Variants in CACNB4 observed in about 807,000 individuals in gnomAD.
CACNB4 encodes voltage-dependent L-type calcium channel subunit beta-4.
Under a neutral mutation model 71.2 loss-of-function variants are expected in CACNB4, and 32 were observed. The ratio of observed to expected loss-of-function variants is 0.45; its 90% confidence interval spans 0.34 to 0.60. CACNB4 has a LOEUF of 0.60. Ranked by LOEUF, CACNB4 falls within the 20% of genes least tolerant of loss-of-function variation. The pLI is 0.01. For synonymous variants in CACNB4, 231 were observed against 236.9 expected (o/e 0.97, Z 0.23); for missense variants, 464 against 647.9 (o/e 0.72, Z 3.08).
intron 2 of CACNB4, among the ~76,000 whole-genome samples, chr2:152,022,280 T>C (rs146596410): frequency 1.2e-4 from 19 of 152,206 alleles, no homozygotes; most frequent in African/African-American, 3.6e-4. Context: ...ATACCATGAG[T>C]GAAGGACAGA....
intron 2 of CACNB4, among the ~76,000 whole-genome samples, chr2:151,979,606 T>G (rs142098443): frequency 6.6e-6 from 1 of 152,294 alleles, no homozygotes; most frequent in African/African-American, 2.4e-5. Flanking sequence ...TGCCTATATA[T>G]TGTTTAGCTG....
intron 2 of CACNB4, among the ~76,000 whole-genome samples, chr2:151,993,248 T>C (rs544789128): frequency 3.0e-4 from 46 of 152,038 alleles, no homozygotes; most frequent in Admixed American, 1.4e-3. Flanking sequence ...TAACTATATC[T>C]AGAAACACTC....
chr2:152,017,138 A>G (rs1683390954), intron 2 of CACNB4, among the ~76,000 whole-genome samples: 1 of 149,832 alleles, frequency 6.7e-6, no homozygotes, highest in South Asian at 2.1e-4. Context: ...ACCCACTCCA[A>G]TAGTTATCAA....
intron 2 of CACNB4, among the ~76,000 whole-genome samples, chr2:152,080,799 T>G (rs1481936081): frequency 2.0e-5 from 3 of 152,152 alleles, no homozygotes; most frequent in African/African-American, 7.2e-5. Context: ...CTCATGAATG[T>G]CTTGGTGCCC....
At chr2:152,059,586 A>G (rs538127414) in intron 2 of CACNB4, among the ~76,000 whole-genome samples, 1 of 152,344 alleles carries the variant, frequency 6.6e-6, no homozygotes, top group South Asian at 2.1e-4. Flanking sequence ...TCCACATTGT[A>G]TCTTGGAAGG....
chr2:152,082,608 T>A (rs1285009483), intron 2 of CACNB4, among the ~76,000 whole-genome samples: 1 of 152,156 alleles, frequency 6.6e-6, no homozygotes, highest in Non-Finnish European at 1.5e-5. Context: ...CGTGATGGAA[T>A]CTTAGAGGTT....
chr2:152,038,386 T>C (rs1161968760), intron 2 of CACNB4, among the ~76,000 whole-genome samples: 1 of 152,124 alleles, frequency 6.6e-6, no homozygotes, highest in Non-Finnish European at 1.5e-5. Context: ...ATATCCCCAA[T>C]GCAGCTTCTA....
chr2:151,971,201 T>C, intron 2 of CACNB4: 1 of 347,966 alleles, frequency 2.9e-6, no homozygotes, highest in South Asian at 4.1e-5. Flanking sequence ...TGTGGGGATG[T>C]GAGGTGCTAA....
At chr2:152,024,622 T>A (rs999799264) in intron 2 of CACNB4, among the ~76,000 whole-genome samples, 6 of 144,456 alleles carry the variant, frequency 4.2e-5, no homozygotes, top group Middle Eastern at 4.2e-3. Context: ...CTTACTAACA[T>A]AGCATACCAA....
At position 151,921,403 on chromosome 2, in the gene CACNB4, A is replaced by G. The variant is rs191661689; in HGVS notation, c.148-38033T>C. Among the ~76,000 whole-genome samples, 8 of 152,318 alleles carry G rather than the reference A, an allele frequency of 5.3e-5. No homozygotes were observed. In the East Asian group the frequency reaches 1.4e-3, roughly 26 times the overall value. On this transcript the variant is annotated intron_variant, in intron 2 of 13. Coordinates refer to ENST00000539935, the MANE Select transcript of CACNB4 (RefSeq NM_000726.5). Reference sequence around the variant, plus strand: ...TGCCTCACTGACCTTTCTTCATCTAAGAGTTTATTACTTACCTATTGCTGC... The same window carrying G: ...TGCCTCACTGACCTTTCTTCATCTAGGAGTTTATTACTTACCTATTGCTGC...
intron 2 of CACNB4, among the ~76,000 whole-genome samples, chr2:152,004,953 A>T (rs1682641727): frequency 6.6e-6 from 1 of 152,154 alleles, no homozygotes; most frequent in Admixed American, 6.5e-5. Flanking sequence ...CTTGGATGCA[A>T]ATCAAAACCA....
chr2:151,987,577 C>T (rs1336009230), intron 2 of CACNB4, among the ~76,000 whole-genome samples: 3 of 152,134 alleles, frequency 2.0e-5, no homozygotes. Flanking sequence ...ACAAGTGTAC[C>T]AAACTTGGTG....
At position 151,934,129 on chromosome 2, in the gene CACNB4, C is replaced by T. The variant is rs541768376; in HGVS notation, c.148-50759G>A. 2.6e-5 allele frequency among the ~76,000 whole-genome samples: 4 copies of T among 152,266 alleles called. No individual in the cohort carries two copies. The South Asian group carries it at 8.3e-4, about 32-fold the overall frequency. ...TGCTTTCTAGGTTGAATAATAAGAA[C>T]TTGAGGTCACTGTCTCCACCAGTGT... is the stretch of plus-strand genomic sequence containing the variant. On this transcript the variant is annotated intron_variant, in intron 2 of 13. Coordinates refer to ENST00000539935, the MANE Select transcript of CACNB4 (RefSeq NM_000726.5).
intron 2 of CACNB4, among the ~76,000 whole-genome samples, chr2:151,945,074 T>C (rs879837974): frequency 7.2e-5 from 11 of 152,198 alleles, no homozygotes; most frequent in Non-Finnish European, 1.0e-4. Flanking sequence ...CTGTTCTCAG[T>C]AGAACTTCCA....
intron 2 of CACNB4, among the ~76,000 whole-genome samples, chr2:152,066,702 T>C (rs1280912554): frequency 4.0e-5 from 6 of 150,178 alleles, no homozygotes. Flanking sequence ...CACGTATGTT[T>C]ATTGTGGCAT....
intron 2 of CACNB4, among the ~76,000 whole-genome samples, chr2:152,052,545 C>T (rs1199157164): frequency 6.6e-6 from 1 of 152,168 alleles, no homozygotes; most frequent in Non-Finnish European, 1.5e-5. Context: ...CCGCCCGCCT[C>T]GGCCTTCCAC....
At position 151,855,379 on chromosome 2, in the gene CACNB4, A is replaced by G; in HGVS notation, c.869-4T>C. On this transcript the variant is annotated splice_region_variant and splice_polypyrimidine_tract_variant and intron_variant, in intron 10 of 13. Coordinates refer to ENST00000539935, the MANE Select transcript of CACNB4 (RefSeq NM_000726.5). ...TCAATTTCACTTTGTACTTCCGCTT[A>G]AAGGAAAAATAATAAATAGATCCCG... 7 of 1,576,632 alleles carry G rather than the reference A, an allele frequency of 4.4e-6. No individual in the cohort carries two copies. Among genetic ancestry groups the G allele is most frequent in the Non-Finnish European group, 6.1e-6 (7 of 1,150,814 alleles).
intron 2 of CACNB4, among the ~76,000 whole-genome samples, chr2:151,911,636 C>CT (rs1448887896): frequency 1.3e-5 from 2 of 151,922 alleles, no homozygotes; most frequent in Non-Finnish European, 2.9e-5. Flanking sequence ...CTGAAGTCTT[C>CT]TTTTTTTTGT....
intron 2 of CACNB4, among the ~76,000 whole-genome samples, chr2:151,937,203 G>T (rs2099863132): frequency 6.6e-6 from 1 of 152,118 alleles, no homozygotes; most frequent in Non-Finnish European, 1.5e-5. Context: ...TAAGTGGCTG[G>T]GTGTAATAAC....
Sources: gnomAD v4.1 joint callset for allele counts (sites outside exome capture counted in the v4.1 genomes callset) on GRCh38, gnomAD v4.1.1 for gene constraint, MANE v1.5 for transcripts, NCBI Gene and HGNC (gene_info 2026-07-23, HGNC 2026-07-21) for gene names.